HOMER2: variants seen among roughly 807,000 people sequenced by gnomAD.
HOMER2 encodes homer protein homolog 2.
A neutral mutation model predicts 47.0 loss-of-function variants in HOMER2; 27 were observed. The ratio of observed to expected loss-of-function variants is 0.57; its 90% CI spans 0.42 to 0.79. The LOEUF (loss-of-function observed/expected upper bound fraction) is 0.79. Ranked by LOEUF, HOMER2 falls within the 30% of genes least tolerant of loss-of-function variation. HOMER2 has a pLI of 0.00. For synonymous variants in HOMER2, 161 were observed against 163.8 expected (o/e 0.98, Z 0.13); for missense variants, 443 against 435.0 (o/e 1.02, Z -0.16).
chr15:82,907,492 AAAG>A (rs1390119477), intron 1 of HOMER2, among the ~76,000 whole-genome samples: 1 of 151,908 alleles, frequency 6.6e-6, no homozygotes, highest in Non-Finnish European at 1.5e-5. Flanking sequence ...AAGAAAAAGG[AAAG>A]AAAGCAAGAA....
At chr15:82,875,443 T>G in intron 2 of HOMER2, 39 bp from the exon 3 acceptor site, 8 of 1,608,544 alleles carry the variant, frequency 5.0e-6, no homozygotes, top group Non-Finnish European at 6.8e-6. Context: ...ATTTAAATGT[T>G]GAATGAGACA....
At chr15:82,953,143 G>A (rs2054543958), upstream of HOMER2, among the ~76,000 whole-genome samples, 1 of 152,208 alleles carries the variant, frequency 6.6e-6, no homozygotes, top group Non-Finnish European at 1.5e-5. Flanking sequence ...TCCAGAGTCT[G>A]AGATGGGCAT....
intron 1 of HOMER2, among the ~76,000 whole-genome samples, chr15:82,899,534 T>C (rs549119954): frequency 8.5e-5 from 13 of 152,376 alleles, no homozygotes; most frequent in African/African-American, 2.6e-4. Flanking sequence ...TACAAGCATA[T>C]TGGAGTTCTA....
At chr15:82,847,861 C>G (rs1024599970), downstream of HOMER2, among the ~76,000 whole-genome samples, 1 of 152,162 alleles carries the variant, frequency 6.6e-6, no homozygotes, top group African/African-American at 2.4e-5. Context: ...TCATAGCCAG[C>G]TCGGCTCTCT....
chr15:82,903,721 C>T (rs1000567412), intron 1 of HOMER2, among the ~76,000 whole-genome samples: 1 of 152,226 alleles, frequency 6.6e-6, no homozygotes, highest in Non-Finnish European at 1.5e-5. Context: ...AGACTGGGCG[C>T]AGTGGCTCAC....
intron 1 of HOMER2, among the ~76,000 whole-genome samples, chr15:82,940,619 G>A (rs1282037204): frequency 9.9e-5 from 15 of 152,182 alleles, no homozygotes; most frequent in Admixed American, 9.8e-4. Flanking sequence ...GCTGGTGCCT[G>A]TAGTCCCAGC....
At chr15:82,860,956 T>TGTGAGAGAGAGAGAGAGAGAGAGAGA (rs1555420264) in intron 4 of HOMER2, among the ~76,000 whole-genome samples, 8 of 42,384 alleles carry the variant, frequency 1.9e-4, no homozygotes, top group African/African-American at 5.8e-4. Flanking sequence ...AGATAGAAGA[T>TGTGAGAGAGAGAGAGAGAGAGAGAGA]GAGAGAGAGA....
At chr15:82,874,610 T>G (rs2052285247) in intron 3 of HOMER2, among the ~76,000 whole-genome samples, 1 of 152,168 alleles carries the variant, frequency 6.6e-6, no homozygotes, top group Admixed American at 6.5e-5. Context: ...CTTGGAGCTA[T>G]GAATCCTCTC....
At chr15:82,930,108 T>C (rs1169546482) in intron 1 of HOMER2, among the ~76,000 whole-genome samples, 1 of 152,206 alleles carries the variant, frequency 6.6e-6, no homozygotes, top group African/African-American at 2.4e-5. Flanking sequence ...GCTGTTTTTC[T>C]CATGGAACTA....
intron 4 of HOMER2, among the ~76,000 whole-genome samples, chr15:82,862,072 T>C (rs57575884): frequency 1.8e-3 from 113 of 62,112 alleles, no homozygotes; most frequent in East Asian, 7.1e-3. Context: ...TTCTCTCTCT[T>C]TTTTTTTTTT....
chr15:82,878,332 T>C (rs2052414893), intron 2 of HOMER2, among the ~76,000 whole-genome samples: 1 of 152,202 alleles, frequency 6.6e-6, no homozygotes, highest in Non-Finnish European at 1.5e-5. Flanking sequence ...TTTCACAGTC[T>C]TTAACCCCCA....
At chr15:82,861,354 T>G (rs1231603197) in intron 4 of HOMER2, among the ~76,000 whole-genome samples, 1 of 152,156 alleles carries the variant, frequency 6.6e-6, no homozygotes, top group Non-Finnish European at 1.5e-5. Context: ...ATACCAACAC[T>G]AGAATGCTGT....
At chr15:82,882,878 CTGCT>C (rs1168880085) in intron 2 of HOMER2, among the ~76,000 whole-genome samples, 1 of 53,514 alleles carries the variant, frequency 1.9e-5, no homozygotes, top group African/African-American at 8.2e-5. Context: ...ACACCAGCCA[CTGCT>C]TTTTTTTTTT....
At chr15:82,958,613 AG>A (rs1460230072) in exon 2 of HOMER2, 1 of 152,388 alleles carries the variant, frequency 6.6e-6, no homozygotes, top group African/African-American at 2.4e-5. Context: ...GGCTGGAGGC[AG>A]GAGAAGCTTG....
At chr15:82,860,969 G>GAGAGAGAGAGAGAT in intron 4 of HOMER2, among the ~76,000 whole-genome samples, 1 of 147,420 alleles carries the variant, frequency 6.8e-6, no homozygotes, top group East Asian at 2.0e-4. Flanking sequence ...GAGAGAGAGA[G>GAGAGAGAGAGAGAT]AGAGAGAGAG....
At chr15:82,976,586 C>A (rs1753355018) in intron 1 of HOMER2, among the ~76,000 whole-genome samples, 2 of 150,218 alleles carry the variant, frequency 1.3e-5, no homozygotes, top group African/African-American at 4.9e-5. Context: ...GGCATGAGGC[C>A]ACACTATTTT....
exon 2 of HOMER2, chr15:82,841,383 A>C (rs2051174098): frequency 6.6e-6 from 1 of 152,204 alleles, no homozygotes; most frequent in Admixed American, 6.5e-5. Flanking sequence ...AAAGCCATTT[A>C]ATAAAACCCC....
chr15:82,863,166 C>G (rs2051849636), intron 4 of HOMER2, among the ~76,000 whole-genome samples: 1 of 152,090 alleles, frequency 6.6e-6, no homozygotes, highest in African/African-American at 2.4e-5. Context: ...GGTTCTCTTC[C>G]TGCAACCTGT....
chr15:82,896,731 G>A (rs1324775388), intron 1 of HOMER2, among the ~76,000 whole-genome samples: 3 of 152,144 alleles, frequency 2.0e-5, no homozygotes, highest in African/African-American at 7.2e-5. Context: ...GGGGAGGATT[G>A]CACGGCCAGT....
Sources: allele counts gnomAD v4.1 joint callset (sites outside exome capture counted in the v4.1 genomes callset), GRCh38; gene constraint gnomAD v4.1.1; transcripts MANE v1.5; gene names NCBI Gene and HGNC (gene_info 2026-07-23, HGNC 2026-07-21).